The following ZC3H15 variants were observed in gnomAD, a reference collection of about 807,000 sequenced individuals.
ZC3H15 encodes the protein zinc finger CCCH domain-containing protein 15.
In ZC3H15, 15 loss-of-function variants were observed where a neutral mutation model predicts 51.2. The observed-to-expected ratio is 0.29, with a 90% CI of 0.20 to 0.45. The LOEUF (loss-of-function observed/expected upper bound fraction) is 0.45, where lower values mean the gene tolerates loss of function less well. Ranked by LOEUF, ZC3H15 falls within the 20% of genes least tolerant of loss-of-function variation. ZC3H15 has a pLI of 1.00. For synonymous variants in ZC3H15, 144 were observed against 162.8 expected (o/e 0.88, Z 0.88); for missense variants, 381 against 494.7 (o/e 0.77, Z 2.18).
chr2:186,499,565 T>A (rs761918507), intron 2 of ZC3H15: 24 of 456,144 alleles, frequency 5.3e-5, no homozygotes, highest in Non-Finnish European at 1.1e-4. Flanking sequence ...GATTCTGAGC[T>A]TCTTTAAATA....
chr2:186,491,830 GT>G (rs1227807072), intron 1 of ZC3H15, among the ~76,000 whole-genome samples: 1 of 152,010 alleles, frequency 6.6e-6, no homozygotes, highest in African/African-American at 2.4e-5. Flanking sequence ...ATAAATAAGT[GT>G]CCCCTTTCTC....
chr2:186,499,926 C>G (rs1427865308), intron 2 of ZC3H15, among the ~76,000 whole-genome samples: 2 of 152,150 alleles, frequency 1.3e-5, no homozygotes, highest in African/African-American at 4.8e-5. Flanking sequence ...GCTAAAAATG[C>G]TGAGCATGTA....
chr2:186,493,819 G>A (rs1685236653), intron 1 of ZC3H15, among the ~76,000 whole-genome samples: 1 of 149,860 alleles, frequency 6.7e-6, no homozygotes, highest in Non-Finnish European at 1.5e-5. Flanking sequence ...CCTTCACTTT[G>A]TGCCTGTGTG....
At chr2:186,493,883 A>G (rs536400228) in intron 1 of ZC3H15, among the ~76,000 whole-genome samples, 1 of 146,832 alleles carries the variant, frequency 6.8e-6, no homozygotes, top group South Asian at 2.2e-4. Context: ...ATCTAGTATG[A>G]TGTCATCTTA....
intron 9 of ZC3H15, among the ~76,000 whole-genome samples, chr2:186,508,230 G>C (rs1685498189): frequency 6.6e-6 from 1 of 152,168 alleles, no homozygotes; most frequent in Non-Finnish European, 1.5e-5. Context: ...TATGGAAATT[G>C]ACTATTTAAA....
At chr2:186,497,036 C>T in intron 2 of ZC3H15, 2 of 356,480 alleles carry the variant, frequency 5.6e-6, no homozygotes, top group Admixed American at 4.5e-5. Context: ...TATCCATTGG[C>T]AACTCATTTG....
intron 9 of ZC3H15, 63 bp downstream of exon 9, chr2:186,506,899 A>G: frequency 1.3e-6 from 2 of 1,537,994 alleles, no homozygotes; most frequent in South Asian, 1.2e-5. Flanking sequence ...GGGTTATACC[A>G]GGCTTGGCAA....
intron 2 of ZC3H15, among the ~76,000 whole-genome samples, chr2:186,495,804 G>C (rs1206856505): frequency 1.3e-5 from 2 of 152,184 alleles, no homozygotes; most frequent in African/African-American, 4.8e-5. Flanking sequence ...TTCATTTGTA[G>C]TACATGAGCA....
chr2:186,498,954 G>A (rs549354742), intron 2 of ZC3H15, among the ~76,000 whole-genome samples: 3 of 152,286 alleles, frequency 2.0e-5, no homozygotes, highest in East Asian at 3.9e-4. Context: ...CTACCCAGAT[G>A]CTTTGTAAGC....
At chr2:186,503,345 A>C (rs7586276) in intron 5 of ZC3H15, among the ~76,000 whole-genome samples, 47,806 of 152,056 alleles carry the variant, frequency 0.31, 8,059 homozygotes, top group East Asian at 0.42. Context: ...ATTTTTATTT[A>C]GGAAAGATCA....
At chr2:186,505,067 T>G (rs1685446819) in intron 6 of ZC3H15, 1 of 131,722 alleles carries the variant, frequency 7.6e-6, no homozygotes, top group Non-Finnish European at 1.6e-5. Context: ...AGTAGGTGTT[T>G]GTTTGTTTGT....
intron 8 of ZC3H15, 66 bp downstream of exon 8, chr2:186,505,907 C>G: frequency 6.6e-7 from 1 of 1,524,116 alleles, no homozygotes; most frequent in Non-Finnish European, 9.0e-7. Flanking sequence ...AATACCACAA[C>G]ATGGTTAAGA....
In ZC3H15 at chr2:186,502,539, G is replaced by A. The variant is rs1472519007; in HGVS notation, c.486G>A (p.Val162=). The change falls in exon 5 of 10, where the codon GTG becomes GTA. Residue 162 remains valine (V), a synonymous_variant. Coordinates refer to ENST00000337859, the MANE Select transcript of ZC3H15 (RefSeq NM_018471.3). ...NWDEKKLEEV[V]NKKHGEAEKK... ...ATGAGAAAAAGCTGGAAGAAGTAGT[G>A]AACAAGAAGCACGGTGAGGCGGAAA... The A allele has an allele frequency of 6.2e-6, 10 of 1,613,010 alleles. No individual in the cohort carries two copies. The highest frequency in any genetic ancestry group is 1.3e-5 in the African/African-American group (1 of 74,894).
chr2:186,488,141 T>C (rs893498902), intron 1 of ZC3H15, among the ~76,000 whole-genome samples: 2 of 152,144 alleles, frequency 1.3e-5, no homozygotes, highest in Non-Finnish European at 2.9e-5. Context: ...TTTTGTGTTT[T>C]CTACATTTAA....
chr2:186,488,113 T>C (rs1354624709), intron 1 of ZC3H15, among the ~76,000 whole-genome samples: 1 of 152,080 alleles, frequency 6.6e-6, no homozygotes, highest in Non-Finnish European at 1.5e-5. Context: ...AACAACAAAG[T>C]GGTGAAATTA....
At chr2:186,505,293 T>C in intron 6 of ZC3H15, 158 bp from the exon 7 acceptor site, 1 of 762,360 alleles carries the variant, frequency 1.3e-6, no homozygotes, top group Non-Finnish European at 1.8e-6. Flanking sequence ...TTTTGCTCAT[T>C]GCCACGTAAA....
In ZC3H15 at chr2:186,495,329, C is replaced by T. The variant is rs1337606357; in HGVS notation, c.172C>T (p.Arg58Cys). The T allele has an allele frequency of 4.0e-6, 6 of 1,500,946 alleles. No individual in the cohort carries two copies. Among genetic ancestry groups the T allele is most frequent in the East Asian group, 2.6e-5 (1 of 38,614 alleles). 93.0% of individuals were successfully genotyped at this position (1,500,946 alleles called of 1,614,324 possible). ...HQVKFGQQNPRQVAQSEAEKK... is the reference protein window; with the variant it reads ...HQVKFGQQNPCQVAQSEAEKK... ...AGTTAAATTTGGTCAACAAAATCCA[C>T]GTCAGGTAAGTAATTTAAATGTCCA... is the stretch of plus-strand genomic sequence containing the variant. Residue 58 changes from arginine to cysteine, a missense_variant, in exon 2 of 10, where the codon CGT becomes TGT. Coordinates refer to ENST00000337859, the MANE Select transcript of ZC3H15 (RefSeq NM_018471.3).
intron 1 of ZC3H15, among the ~76,000 whole-genome samples, chr2:186,487,807 T>G (rs1685125765): frequency 6.6e-6 from 1 of 152,250 alleles, no homozygotes; most frequent in Admixed American, 6.5e-5. Context: ...AAATTAAATG[T>G]TATGTAATAA....
rs533048701 is a variant in ZC3H15, at chr2:186,486,317, G to T, written c.-66G>T. The T allele has an allele frequency of 3.6e-6, 5 of 1,403,710 alleles. No homozygotes were observed. In the African/African-American group the frequency reaches 4.4e-5, roughly 12 times the overall value. The allele number at this position is 1,403,710 out of a possible 1,614,324, so 87.0% of individuals were successfully genotyped here. On this transcript the variant is annotated 5_prime_UTR_variant, in exon 1 of 10. Transcript: ENST00000337859. Reference sequence around the variant, plus strand: ...CCCCGGTCTTCCTCCTCGTCCTGCCGCAGGGCCAGAACCCCTGACGGTATT... The same window carrying T: ...CCCCGGTCTTCCTCCTCGTCCTGCCTCAGGGCCAGAACCCCTGACGGTATT...
Sources: allele counts gnomAD v4.1 joint callset (sites outside exome capture counted in the v4.1 genomes callset), GRCh38; gene constraint gnomAD v4.1.1; transcripts MANE v1.5; gene names NCBI Gene and HGNC (gene_info 2026-07-23, HGNC 2026-07-21).